WDR53: variants seen among roughly 807,000 people sequenced by gnomAD.
The protein encoded by WDR53 is WD repeat-containing protein 53.
A neutral mutation model predicts 21.3 loss-of-function variants in WDR53; 19 were observed. That is an observed-to-expected ratio of 0.89 (90% CI 0.62 to 1.31). The LOEUF is 1.31. Ranked by LOEUF, WDR53 falls within the 50% of genes most tolerant of loss-of-function variation. The probability of loss-of-function intolerance (pLI) is 0.00; values close to 1 mark genes in which losing one functional copy is unlikely to be tolerated. For synonymous variants in WDR53, 157 were observed against 163.4 expected, an observed-to-expected ratio of 0.96 and a Z score of 0.30; for missense variants, 374 against 423.2, an observed-to-expected ratio of 0.88 and a Z score of 1.02.
Position 196,554,675 on chromosome 3 carries a change from C to A in WDR53, c.613G>T (p.Val205Leu), listed in dbSNP as rs750223926. Reference sequence around the variant, plus strand: ...CTAAAAATATTACCACACGAAGCCACAGAGATAGAATGGGCTAGGGCAGGG... The same window carrying A: ...CTAAAAATATTACCACACGAAGCCAAAGAGATAGAATGGGCTAGGGCAGGG... ...LNPALAHSISVASCGNIFSCG... is the reference protein window; with the variant it reads ...LNPALAHSISLASCGNIFSCG... The change falls in exon 4 of 4, where the codon GTG becomes TTG. Residue 205 changes from valine (V) to leucine (L), a missense_variant. Val to Leu is a conservative substitution (Grantham distance 32, BLOSUM62 1). Coordinates refer to ENST00000332629, the MANE Select transcript of WDR53 (RefSeq NM_182627.3). 2 of 1,614,184 alleles carry A rather than the reference C, an allele frequency of 1.2e-6. No homozygotes were observed. Among genetic ancestry groups the A allele is most frequent in the East Asian group, 4.5e-5 (2 of 44,886 alleles).
chr3:196,555,999 A>G (rs1044296770), intron 3 of WDR53, among the ~76,000 whole-genome samples: 5 of 152,236 alleles, frequency 3.3e-5, no homozygotes, highest in African/African-American at 1.2e-4. Context: ...AGTAAAATAA[A>G]TAAATATTAG....
intron 3 of WDR53, among the ~76,000 whole-genome samples, chr3:196,558,095 C>T (rs1407803296): frequency 6.6e-6 from 1 of 151,932 alleles, no homozygotes; most frequent in Non-Finnish European, 1.5e-5. Flanking sequence ...TCCTTTACAC[C>T]TCATATATAT....
At chr3:196,555,975 T>C (rs796976646) in intron 3 of WDR53, among the ~76,000 whole-genome samples, 25 of 152,238 alleles carry the variant, frequency 1.6e-4, no homozygotes, top group African/African-American at 5.8e-4. Context: ...TACGAACAAA[T>C]TGAAATAAGC....
intron 3 of WDR53, among the ~76,000 whole-genome samples, chr3:196,558,321 G>A (rs1036505812): frequency 4.0e-5 from 6 of 151,758 alleles, no homozygotes; most frequent in Admixed American, 1.3e-4. Context: ...ATCCTCCCAC[G>A]TCAACTTCCT....
intron 3 of WDR53, among the ~76,000 whole-genome samples, chr3:196,557,939 G>C (rs1030436725): frequency 1.3e-5 from 2 of 151,672 alleles, no homozygotes; most frequent in Non-Finnish European, 2.9e-5. Context: ...TACACACCTG[G>C]CTACTTTTTG....
rs751848471 is a variant in WDR53, at chr3:196,561,535, C to T, written c.-16-44G>A. ...AACTGTAATCTCATGTTTTATACAT[C>T]GACTTGATGGGAGGAGACAGATGTA... On this transcript the variant is annotated intron_variant, in intron 2 of 3. Transcript: ENST00000332629. 8 of 1,521,608 alleles carry T rather than the reference C, an allele frequency of 5.3e-6. No individual in the cohort carries two copies. In the South Asian group the frequency reaches 7.8e-5, roughly 15 times the overall value. 94.3% of individuals were successfully genotyped at this position (1,521,608 alleles called of 1,614,324 possible).
chr3:196,557,306 G>A (rs1734413723), intron 3 of WDR53, among the ~76,000 whole-genome samples: 1 of 152,218 alleles, frequency 6.6e-6, no homozygotes, highest in South Asian at 2.1e-4. Context: ...CACTTTGGGA[G>A]GCCATGGCAG....
chr3:196,568,053 A>G (rs1735601612), intron 1 of WDR53, among the ~76,000 whole-genome samples: 1 of 152,144 alleles, frequency 6.6e-6, no homozygotes, highest in South Asian at 2.1e-4. Context: ...TAATTGACTA[A>G]AACTACATTG....
intron 3 of WDR53, among the ~76,000 whole-genome samples, chr3:196,559,887 A>T (rs1393196810): frequency 1.3e-5 from 2 of 151,950 alleles, no homozygotes; most frequent in African/African-American, 4.8e-5. Flanking sequence ...TTTATTTATT[A>T]AAAAAAATAA....
At chr3:196,561,768 C>T (rs937071547) in intron 2 of WDR53, among the ~76,000 whole-genome samples, 5 of 151,980 alleles carry the variant, frequency 3.3e-5, no homozygotes, top group African/African-American at 1.2e-4. Context: ...ATATGGAACC[C>T]ACAGAAGAAT....
chr3:196,559,717 C>G (rs988777976), intron 3 of WDR53, among the ~76,000 whole-genome samples: 1 of 152,284 alleles, frequency 6.6e-6, no homozygotes, highest in Middle Eastern at 3.4e-3. Flanking sequence ...CTAGAAGCCA[C>G]CTGACCCCAA....
In WDR53 at chr3:196,554,351, C is replaced by CA. The variant is rs1734116107; in HGVS notation, c.936dup (p.Gly313TrpfsTer10). The CA allele has an allele frequency of 6.2e-7, 1 of 1,614,086 alleles. No homozygotes were observed. Among genetic ancestry groups the CA allele is most frequent in the African/African-American group, 1.3e-5 (1 of 75,006 alleles). The stretch of plus-strand genomic sequence containing the variant: ...ATATTTAGCTTTGGTAAAATGTTGC[C>CA]ATGTTCTTCCTCATCTGTTACTGAA... On this transcript the variant is annotated frameshift_variant, in exon 4 of 4. Coordinates refer to ENST00000332629, the MANE Select transcript of WDR53 (RefSeq NM_182627.3). LOFTEE classifies it high-confidence loss of function.
intron 3 of WDR53, among the ~76,000 whole-genome samples, chr3:196,556,693 A>C (rs957154708): frequency 2.6e-5 from 4 of 151,756 alleles, no homozygotes; most frequent in Non-Finnish European, 5.9e-5. Context: ...ACACACACAC[A>C]GAAAATGGAC....
intron 3 of WDR53, among the ~76,000 whole-genome samples, chr3:196,556,426 G>A (rs1449454208): frequency 6.6e-6 from 1 of 152,140 alleles, no homozygotes; most frequent in African/African-American, 2.4e-5. Flanking sequence ...GGAGGCTGAG[G>A]TGGGCGGATC....
Position 196,554,449 on chromosome 3 carries a change from C to T in WDR53, c.839G>A (p.Ser280Asn), listed in dbSNP as rs775172087. 6.2e-7 allele frequency: 1 copy of T among 1,614,030 alleles called. No individual in the cohort carries two copies. The highest frequency in any genetic ancestry group is 1.7e-5 in the Admixed American group (1 of 60,000). Residue 280 changes from serine to asparagine, a missense_variant, in exon 4 of 4, where the codon AGT (serine) becomes AAT (asparagine). Ser to Asn is a conservative substitution (Grantham distance 46). Transcript: ENST00000332629. ...ANSEVEKKQK[S>N]PTKRTHRKKP... ...CTTCCTGTGGGTACGTTTTGTGGGA[C>T]TCTTCTGTTTTTTCTCAACTTCACT...
chr3:196,554,794 C>T lies in WDR53; in HGVS notation c.494G>A (p.Ser165Asn). The T allele has an allele frequency of 6.2e-7, 1 of 1,613,184 alleles. No individual in the cohort carries two copies. Among genetic ancestry groups the T allele is most frequent in the Admixed American group, 1.7e-5 (1 of 59,850 alleles). Reference sequence around the variant, plus strand: ...CCAGAGTGGTCGGGCTTTTTGAAGACTCCACAGCATCACCTTTACATAAGA... The same window carrying T: ...CCAGAGTGGTCGGGCTTTTTGAAGATTCCACAGCATCACCTTTACATAAGA... ...CGLDMQVMLW[S>N]LQKARPLWIT... The change falls in exon 4 of 4, where the codon AGT becomes AAT. Residue 165 changes from serine (S) to asparagine (N), a missense_variant. Physicochemically the swap from Ser to Asn is conservative, Grantham distance 46 (BLOSUM62 1). Coordinates refer to ENST00000332629, the MANE Select transcript of WDR53 (RefSeq NM_182627.3).
intron 3 of WDR53, among the ~76,000 whole-genome samples, chr3:196,556,241 T>A (rs921471226): frequency 6.6e-6 from 1 of 151,940 alleles, no homozygotes. Context: ...GAGATGGGGT[T>A]TTTGCTATGT....
Position 196,561,134 on chromosome 3 carries a change from G to A in WDR53, c.342C>T (p.Asp114=). Residue 114 remains aspartate, a synonymous_variant, in exon 3 of 4, where the codon GAC becomes GAT. Coordinates refer to ENST00000332629, the MANE Select transcript of WDR53 (RefSeq NM_182627.3). The stretch of plus-strand genomic sequence containing the variant: ...AGTCTAGGATTTTGATTGCCCCAGA[G>A]TCGTCAGCAGAAGCCAGCAGGTTTT... ...QTENLLASAD[D]SGAIKILDLE... is the part of the protein sequence containing the mutation. 1 of 1,614,208 alleles carries A rather than the reference G, an allele frequency of 6.2e-7. No homozygotes were observed. The highest frequency in any genetic ancestry group is 1.1e-5 in the South Asian group (1 of 91,086).
At chr3:196,565,479 G>A (rs1735292983) in intron 2 of WDR53, among the ~76,000 whole-genome samples, 1 of 151,782 alleles carries the variant, frequency 6.6e-6, no homozygotes, top group Non-Finnish European at 1.5e-5. Flanking sequence ...GGAGGCTGAG[G>A]GCTTGAACCT....
Sources: gnomAD v4.1 joint callset for allele counts (sites outside exome capture counted in the v4.1 genomes callset) on GRCh38, gnomAD v4.1.1 for gene constraint, MANE v1.5 for transcripts, NCBI Gene and HGNC (gene_info 2026-07-23, HGNC 2026-07-21) for gene names.